MICALL1: variants seen among roughly 807,000 people sequenced by gnomAD.
MICALL1 encodes the protein MICAL-like protein 1.
Under a neutral mutation model 83.7 loss-of-function variants are expected in MICALL1, and 61 were observed. The ratio of observed to expected loss-of-function variants is 0.73; its 90% CI spans 0.59 to 0.90. The LOEUF is 0.90. MICALL1 is among the 40% of genes least tolerant of loss of function. The pLI, the probability that MICALL1 is intolerant of heterozygous loss-of-function variation, is 0.00. For synonymous variants in MICALL1, 481 were observed against 473.6 expected (o/e 1.02, Z -0.20); for missense variants, 1,066 against 1,152.0 (o/e 0.93, Z 1.08).
rs908405656 is a variant in MICALL1 at position 37,937,782 on chromosome 22, C to G, written c.2460C>G (p.Ile820Met). ...AAGACAAGATGTTGGAAGCCATGAT[C>G]AAGAAGAAAGGTGAGGCCCTTGCTG... The part of the protein sequence containing the change: ...EEEDKMLEAM[I>M]KKKEFQREAE... The change falls in exon 15 of 16, where the codon ATC (isoleucine) becomes ATG (methionine). Residue 820 changes from isoleucine to methionine, a missense_variant. Physicochemically the swap from Ile to Met is conservative, Grantham distance 10 (BLOSUM62 1). Coordinates refer to ENST00000215957, the MANE Select transcript of MICALL1 (RefSeq NM_033386.4). 2.5e-6 allele frequency: 4 copies of G among 1,613,502 alleles called. No homozygotes were observed. Among genetic ancestry groups the G allele is most frequent in the Non-Finnish European group, 3.4e-6 (4 of 1,179,618 alleles).
intron 1 of MICALL1, among the ~76,000 whole-genome samples, chr22:37,909,683 G>A (rs1479095159): frequency 6.6e-6 from 1 of 152,248 alleles, no homozygotes; most frequent in Non-Finnish European, 1.5e-5. Context: ...AAGCAAGGGA[G>A]GGATGTGGCT....
chr22:37,932,880 C>T lies in MICALL1; in HGVS notation c.2226C>T (p.Leu742=). 2 of 1,614,126 alleles carry T rather than the reference C, an allele frequency of 1.2e-6. No homozygotes were observed. The highest frequency in any genetic ancestry group is 1.7e-6 in the Non-Finnish European group (2 of 1,179,996). Residue 742 remains leucine, a synonymous_variant, in exon 12 of 16, where the codon CTC becomes CTT. Coordinates refer to ENST00000215957, the MANE Select transcript of MICALL1 (RefSeq NM_033386.4). The surrounding 1 kb of genome is among the most constrained non-coding windows in gnomAD (Gnocchi z 4.4). The part of the protein sequence containing the change: ...KHLLVRRESE[L]IYVFKQQNLE... ...TACTGGTGCGGCGAGAGTCCGAGCT[C>T]ATCTATGTGTGAGTCCCCCCGCCTG...
At chr22:37,911,859 C>A in intron 1 of MICALL1, 93 bp from the exon 2 acceptor site, 1 of 1,260,232 alleles carries the variant, frequency 7.9e-7, no homozygotes, top group Non-Finnish European at 1.2e-6. Context: ...GGGACAAGGT[C>A]TTCTCTGTTC....
At chr22:37,912,033 C>T (rs1319781194) in intron 2 of MICALL1, 33 bp downstream of exon 2, 1 of 1,592,806 alleles carries the variant, frequency 6.3e-7, no homozygotes, top group South Asian at 1.1e-5. Flanking sequence ...GCCCAAGAGG[C>T]TCTGTGTATG....
rs752922130 is a variant in MICALL1, at chr22:37,921,997, C to T, written c.595C>T (p.Leu199Phe). 2 of 1,591,592 alleles carry T rather than the reference C, an allele frequency of 1.3e-6. No homozygotes were observed. The highest frequency in any genetic ancestry group is 1.7e-6 in the Non-Finnish European group (2 of 1,166,204). Residue 199 changes from leucine to phenylalanine, a missense_variant, in exon 6 of 16, where the codon CTC (leucine) becomes TTC (phenylalanine). Coordinates refer to ENST00000215957, the MANE Select transcript of MICALL1 (RefSeq NM_033386.4). ...GTGTCGGCGGTGCTCCAGCACCCTG[C>T]TCCCTGGGGCTTATGAGAATGGGCC... is the stretch of plus-strand genomic sequence containing the variant. The part of the protein sequence containing the change: ...FRCRRCSSTL[L>F]PGAYENGPEE...
intron 3 of MICALL1, among the ~76,000 whole-genome samples, chr22:37,913,170 G>C (rs1290682197): frequency 1.3e-5 from 2 of 151,564 alleles, no homozygotes; most frequent in Non-Finnish European, 2.9e-5. Context: ...CACCATGTTG[G>C]CCAGGCTGGT....
intron 1 of MICALL1, among the ~76,000 whole-genome samples, chr22:37,909,068 G>A (rs998961047): frequency 1.7e-4 from 26 of 149,182 alleles, no homozygotes; most frequent in Non-Finnish European, 1.8e-4. Flanking sequence ...TTTTGTTTTT[G>A]TTTTTTTGAG....
intron 6 of MICALL1, 111 bp downstream of exon 6, chr22:37,922,537 T>TAC: frequency 1.4e-6 from 1 of 693,978 alleles, no homozygotes; most frequent in South Asian, 2.0e-5. Flanking sequence ...TGCCATTGTG[T>TAC]GCTGTGCTGT....
chr22:37,939,288 T>C (rs1461645924), intron 15 of MICALL1, among the ~76,000 whole-genome samples: 2 of 152,212 alleles, frequency 1.3e-5, no homozygotes, highest in African/African-American at 4.8e-5. Context: ...TGAGATAATG[T>C]GTAAAACTTA....
rs147148915 is a variant in MICALL1 at position 37,927,738 on chromosome 22, G to A, written c.1793G>A (p.Ser598Asn). 1.6e-4 allele frequency: 264 copies of A among 1,613,816 alleles called. 1 individual carries two copies. The highest frequency in any genetic ancestry group is 2.2e-4 in the Non-Finnish European group (259 of 1,180,030). Reference protein sequence around the residue: ...SSGPQPAKPCSGATPTPLLLV... With the variant: ...SSGPQPAKPCNGATPTPLLLV... ...GGTCCCCAGCCAGCCAAGCCCTGCAGTGGCGCCACCCCAACGCCTCTCTTG... is the reference window on the plus strand; with the variant it reads ...GGTCCCCAGCCAGCCAAGCCCTGCAATGGCGCCACCCCAACGCCTCTCTTG... Residue 598 changes from serine to asparagine, a missense_variant, in exon 9 of 16, where the codon AGT (serine) becomes AAT (asparagine). Transcript: ENST00000215957.
In MICALL1 at chr22:37,925,904, C is replaced by T; in HGVS notation, c.1326C>T (p.Pro442=). 1 of 1,612,864 alleles carries T rather than the reference C, an allele frequency of 6.2e-7. No homozygotes were observed. The highest frequency in any genetic ancestry group is 1.1e-5 in the South Asian group (1 of 90,964). The change falls in exon 8 of 16, where the codon CCC becomes CCT. Residue 442 remains proline (P), a synonymous_variant. Transcript: ENST00000215957. ...EDKEEEAPAA[P]SLATSPALGH... Reference sequence around the variant, plus strand: ...AGGAGGAAGAGGCTCCAGCTGCACCCAGCCTGGCCACCAGCCCTGCCCTGG... The same window carrying T: ...AGGAGGAAGAGGCTCCAGCTGCACCTAGCCTGGCCACCAGCCCTGCCCTGG...
intron 3 of MICALL1, among the ~76,000 whole-genome samples, chr22:37,917,152 G>A (rs542883585): frequency 1.9e-4 from 29 of 152,200 alleles, no homozygotes; most frequent in African/African-American, 4.3e-4. Context: ...GATTATAGAC[G>A]TGAGCCACTG....
At position 37,919,044 on chromosome 22, in the gene MICALL1, G is replaced by GCTCT; in HGVS notation, c.437_440dup (p.Ser148LeufsTer34). The GCTCT allele has an allele frequency of 6.4e-7, 1 of 1,550,700 alleles. No individual in the cohort carries two copies. Among genetic ancestry groups the GCTCT allele is most frequent in the Non-Finnish European group, 8.7e-7 (1 of 1,146,654 alleles). On this transcript the variant is annotated frameshift_variant, in exon 5 of 16. Coordinates refer to ENST00000215957, the MANE Select transcript of MICALL1 (RefSeq NM_033386.4). LOFTEE classifies it high-confidence loss of function. ...CACCTCGTTCTCTGCAGGGCGAGGA[G>GCTCT]CTCTCCTCAGGCAGCCTGTCAGAGC...
chr22:37,914,645 AT>A (rs1928563448), intron 3 of MICALL1, among the ~76,000 whole-genome samples: 2 of 150,364 alleles, frequency 1.3e-5, no homozygotes, highest in Non-Finnish European at 3.0e-5. Flanking sequence ...ATATATGTGT[AT>A]TTTTTTTGAG....
Position 37,932,894 on chromosome 22 carries a change from T to TC in MICALL1, c.2234+12dup, listed in dbSNP as rs779409192. On this transcript the variant is annotated splice_region_variant and intron_variant, in intron 12 of 15. Transcript: ENST00000215957. The surrounding 1 kb of genome is among the most constrained non-coding windows in gnomAD (Gnocchi z 4.4). Reference sequence around the variant, plus strand: ...GAGTCCGAGCTCATCTATGTGTGAGTCCCCCCGCCTGGGGCATCCCTCCCT... The same window carrying TC: ...GAGTCCGAGCTCATCTATGTGTGAGTCCCCCCCGCCTGGGGCATCCCTCCCT... 7 of 1,613,444 alleles carry TC rather than the reference T, an allele frequency of 4.3e-6. No homozygotes were observed. In the South Asian group the frequency reaches 5.5e-5, roughly 13 times the overall value.
chr22:37,938,358 C>T (rs1049514611), intron 15 of MICALL1, among the ~76,000 whole-genome samples: 7 of 147,740 alleles, frequency 4.7e-5, no homozygotes, highest in African/African-American at 7.6e-5. Context: ...GCCGAGATCA[C>T]GCCAGTGCAC....
At chr22:37,914,574 A>G (rs1440874974) in intron 3 of MICALL1, among the ~76,000 whole-genome samples, 1 of 151,496 alleles carries the variant, frequency 6.6e-6, no homozygotes, top group Non-Finnish European at 1.5e-5. Flanking sequence ...ACATGCATAT[A>G]CATATATATG....
rs754959426 is a variant in MICALL1 at position 37,940,816 on chromosome 22, A to C, written c.2578A>C (p.Arg860=). 2.9e-5 allele frequency: 47 copies of C among 1,613,910 alleles called. No individual in the cohort carries two copies. The highest frequency in any genetic ancestry group is 7.6e-6 in the Non-Finnish European group (9 of 1,179,918). Residue 860 remains arginine, a synonymous_variant, in exon 16 of 16, where the codon AGA becomes CGA. Transcript: ENST00000215957. ...ACGTGATGCCAAGAGCAAGTCCCCC[A>C]GAGACAAGAGCTAACAGCACGAGAA... The part of the protein sequence containing the change: ...NKRDAKSKSP[R]DKS
At chr22:37,927,951 A>C in intron 9 of MICALL1, 125 bp downstream of exon 9, 1 of 1,064,198 alleles carries the variant, frequency 9.4e-7, no homozygotes, top group Non-Finnish European at 1.3e-6. Context: ...TCTGTCACCC[A>C]GGCTGGAGTG....
Sources: gnomAD v4.1 joint callset for allele counts (sites outside exome capture counted in the v4.1 genomes callset) on GRCh38, gnomAD v4.1.1 for gene constraint, Gnocchi (gnomAD v3.1) non-coding constraint, MANE v1.5 for transcripts, NCBI Gene and HGNC (gene_info 2026-07-23, HGNC 2026-07-21) for gene names.